LACTBL1: variants seen among roughly 807,000 people sequenced by gnomAD.
LACTBL1 encodes lactamase beta like 1.
In LACTBL1, 29 loss-of-function variants were observed where a neutral mutation model predicts 39.6. The ratio of observed to expected loss-of-function variants is 0.73; its 90% confidence interval spans 0.55 to 1.00. LACTBL1 has a LOEUF of 1.00. Among genes scored for constraint, LACTBL1 ranks in the 50% least tolerant of loss-of-function variants. The pLI, the probability that LACTBL1 is intolerant of heterozygous loss-of-function variation, is 0.00. For synonymous variants in LACTBL1, 361 were observed against 360.7 expected (o/e 1.00, Z -0.01); for missense variants, 711 against 748.5 (o/e 0.95, Z 0.59).
exon 6 of LACTBL1, chr1:22,953,804 G>C (rs1323364787): frequency 6.5e-7 from 1 of 1,545,724 alleles, no homozygotes; most frequent in Non-Finnish European, 8.7e-7. Flanking sequence ...TGGCCCGACG[G>C]CCGGTACCAG....
At chr1:22,961,591 T>G (rs1434281727) in intron 2 of LACTBL1, among the ~76,000 whole-genome samples, 1 of 152,160 alleles carries the variant, frequency 6.6e-6, no homozygotes, top group Admixed American at 6.5e-5. Flanking sequence ...CTTGAACTCC[T>G]GACCTCAGGT....
intron 1 of LACTBL1, 26 bp downstream of exon 3, chr1:22,965,264 G>T: frequency 7.6e-7 from 1 of 1,308,536 alleles, no homozygotes. Context: ...CTATGGGGAG[G>T]AACTCAAGGC....
chr1:22,970,015 C>T (rs1253239322), upstream of LACTBL1, among the ~76,000 whole-genome samples: 1 of 152,226 alleles, frequency 6.6e-6, no homozygotes, highest in Non-Finnish European at 1.5e-5. Flanking sequence ...AGTTGTAACT[C>T]TGGACAAGTC....
chr1:22,956,048 A>G, intron 4 of LACTBL1, among the ~76,000 whole-genome samples: 1 of 128,022 alleles, frequency 7.8e-6, no homozygotes. Flanking sequence ...TGGGTGACAG[A>G]GTGAAACTCC....
chr1:22,965,627 C>T (rs1417883397), upstream of LACTBL1, among the ~76,000 whole-genome samples: 3 of 152,112 alleles, frequency 2.0e-5, no homozygotes, highest in Non-Finnish European at 4.4e-5. Flanking sequence ...GAGCACCCAC[C>T]CCTTTGCTTG....
In LACTBL1 at chr1:22,955,600, G is replaced by A. The variant is rs192949930; in HGVS notation, c.554-174C>T. ...CCAGTCCTGCCTTCTCTTCCTGCCT[G>A]TGTGTCACTGGGCAGGTCACTGGGC... is the stretch of plus-strand genomic sequence containing the variant. On this transcript the variant is annotated intron_variant, in intron 4 of 5. Coordinates refer to ENST00000426928, the Ensembl canonical transcript of LACTBL1. Among the ~76,000 whole-genome samples the A allele has an allele frequency of 3.6e-4, 55 of 152,322 alleles. No homozygotes were observed. The East Asian group carries it at 9.8e-3, about 27-fold the overall frequency.
chr1:22,953,274 G>C, exon 6 of LACTBL1: 1 of 1,231,622 alleles, frequency 8.1e-7, no homozygotes, highest in Non-Finnish European at 1.0e-6. Flanking sequence ...GCAGCGCCAG[G>C]GTGCGGAACG....
exon 5 of LACTBL1, chr1:22,955,410 C>T (rs1356134274): frequency 1.3e-6 from 2 of 1,549,796 alleles, no homozygotes; most frequent in East Asian, 2.4e-5. Flanking sequence ...AAGTGGAGCG[C>T]AGCCTTCTGG....
exon 4 of LACTBL1, chr1:22,958,915 G>C (rs1445105741): frequency 4.5e-6 from 7 of 1,545,228 alleles, no homozygotes; most frequent in Non-Finnish European, 6.1e-6. Flanking sequence ...GGAGATGCTG[G>C]AGATCCTAGA....
chr1:22,959,532 A>G (rs1040144157), intron 3 of LACTBL1, among the ~76,000 whole-genome samples: 1 of 152,238 alleles, frequency 6.6e-6, no homozygotes, highest in South Asian at 2.1e-4. Flanking sequence ...GAGACTCCAG[A>G]TATGCAACAG....
At chr1:22,962,802 C>T (rs550423648) in intron 2 of LACTBL1, among the ~76,000 whole-genome samples, 52 of 152,228 alleles carry the variant, frequency 3.4e-4, no homozygotes, top group Middle Eastern at 3.4e-3. Context: ...GAGGAACTGA[C>T]CCTAAGGCCT....
intron 4 of LACTBL1, among the ~76,000 whole-genome samples, chr1:22,956,080 A>G (rs1176302641): frequency 6.6e-6 from 1 of 150,762 alleles, no homozygotes; most frequent in African/African-American, 2.4e-5. Flanking sequence ...AAAAAAAAAA[A>G]AAAGAGTTTG....
exon 3 of LACTBL1, chr1:22,959,945 T>C: frequency 6.4e-7 from 1 of 1,551,166 alleles, no homozygotes; most frequent in Non-Finnish European, 8.7e-7. Flanking sequence ...AGCTGACCTG[T>C]ACATGGTGTA....
the LACTBL1 span, among the ~76,000 whole-genome samples, chr1:22,970,933 G>A: frequency 1.4e-3 from 216 of 152,180 alleles, no homozygotes; most frequent in Admixed American, 3.1e-3. Context: ...CTACCTGTTG[G>A]AGGAGTAACC....
rs1441967139 is a variant in LACTBL1, at chr1:22,960,118, G to T, written c.160-19C>A. 10 of 1,550,208 alleles carry T rather than the reference G, an allele frequency of 6.5e-6. No homozygotes were observed. In the African/African-American group the frequency reaches 6.8e-5, roughly 11 times the overall value. On this transcript the variant is annotated intron_variant, in intron 2 of 5. Transcript: ENST00000426928. ...GGTCCACCTTGAGGGAAAAGAACGGGTGCAGTGACAGGCCCCCCTGCCCTC... is the reference window on the plus strand; with the variant it reads ...GGTCCACCTTGAGGGAAAAGAACGGTTGCAGTGACAGGCCCCCCTGCCCTC...
upstream of LACTBL1, among the ~76,000 whole-genome samples, chr1:22,967,441 G>T (rs1014261399): frequency 7.2e-5 from 11 of 152,078 alleles, no homozygotes; most frequent in African/African-American, 2.2e-4. Context: ...CTACTCGGGA[G>T]TCTGAGGTGG....
intron 2 of LACTBL1, 130 bp from the exon 5 acceptor site, chr1:22,960,229 A>G (rs1365543169): frequency 2.7e-6 from 3 of 1,098,936 alleles, no homozygotes; most frequent in Non-Finnish European, 3.9e-6. Context: ...GCTATGCCCC[A>G]TGGGCTGGGG....
chr1:22,955,761 A>G (rs1640755199), intron 4 of LACTBL1, among the ~76,000 whole-genome samples: 1 of 152,210 alleles, frequency 6.6e-6, no homozygotes, highest in South Asian at 2.1e-4. Flanking sequence ...AATTGCTATC[A>G]TCAACTATAG....
intron 3 of LACTBL1, 133 bp downstream of exon 5, chr1:22,959,809 T>C (rs903146633): frequency 3.8e-6 from 4 of 1,062,832 alleles, no homozygotes; most frequent in Non-Finnish European, 5.3e-6. Flanking sequence ...TCTATAAAAC[T>C]GTCAAGACTT....
Sources: gnomAD v4.1 joint callset for allele counts (sites outside exome capture counted in the v4.1 genomes callset) on GRCh38, gnomAD v4.1.1 for gene constraint, MANE v1.5 for transcripts, NCBI Gene and HGNC (gene_info 2026-07-23, HGNC 2026-07-21) for gene names.